Variants in RERE observed in about 807,000 individuals in gnomAD.
RERE encodes the protein arginine-glutamic acid dipeptide repeats.
In RERE, 40 loss-of-function variants were observed where a neutral mutation model predicts 146.1. The ratio of observed to expected loss-of-function variants is 0.27; its 90% confidence interval spans 0.21 to 0.36. The LOEUF is 0.36. Among genes scored for constraint, RERE ranks in the 10% least tolerant of loss-of-function variants. The probability of loss-of-function intolerance (pLI) is 1.00; values close to 1 mark genes in which losing one functional copy is unlikely to be tolerated. For synonymous variants in RERE, 1,003 were observed against 866.0 expected (o/e 1.16, Z -2.78); for missense variants, 1,933 against 2,138.7 (o/e 0.90, Z 1.90).
chr1:8,484,494 C>A (rs1437453748), intron 10 of RERE, among the ~76,000 whole-genome samples: 1 of 150,676 alleles, frequency 6.6e-6, no homozygotes, highest in Non-Finnish European at 1.5e-5. Flanking sequence ...AGCGCCATCT[C>A]GGCTCACTGC....
At chr1:8,750,254 A>G (rs1441026468) in intron 1 of RERE, among the ~76,000 whole-genome samples, 6 of 152,062 alleles carry the variant, frequency 3.9e-5, no homozygotes, top group East Asian at 3.9e-4. Context: ...GCACGTAGTC[A>G]GTAGTCAATG....
chr1:8,699,186 C>T (rs1408571418), intron 1 of RERE, among the ~76,000 whole-genome samples: 1 of 152,190 alleles, frequency 6.6e-6, no homozygotes, highest in Non-Finnish European at 1.5e-5. Context: ...TTTTCCCATG[C>T]TAAGCATGGT....
intron 3 of RERE, among the ~76,000 whole-genome samples, chr1:8,623,402 G>A (rs188261147): frequency 1.6e-4 from 24 of 152,294 alleles, no homozygotes; most frequent in Non-Finnish European, 2.1e-4. Flanking sequence ...GGTGAGCCAA[G>A]ACTGCACCAC....
Position 8,358,340 on chromosome 1 carries a change from C to G in RERE, c.4195G>C (p.Glu1399Gln), listed in dbSNP as rs765164005. The G allele has an allele frequency of 5.1e-5, 82 of 1,612,322 alleles. No individual in the cohort carries two copies. Among genetic ancestry groups the G allele is most frequent in the Non-Finnish European group, 6.6e-5 (78 of 1,179,458 alleles). The part of the protein sequence containing the change: ...EMSYPDRLAA[E>Q]RIHAERMASL... ...GCCATGCGCTCTGCGTGGATACGCT[C>G]GGCTGCCAGTCTGTCAGGGTAGCTC... Residue 1399 changes from glutamate to glutamine, a missense_variant, in exon 20 of 23, where the codon GAG becomes CAG. This residue lies in a region of RERE where 47 missense variants were observed against 58.6 expected (regional missense o/e 0.80). Transcript: ENST00000400908.
At chr1:8,488,653 GAC>G (rs1644936623) in intron 10 of RERE, among the ~76,000 whole-genome samples, 1 of 152,134 alleles carries the variant, frequency 6.6e-6, no homozygotes, top group African/African-American at 2.4e-5. Flanking sequence ...AAAGCAGAAA[GAC>G]ACCCCTGAGG....
intron 17 of RERE, 21 bp from the exon 18 acceptor site, chr1:8,361,511 G>A (rs1378407586): frequency 6.2e-7 from 1 of 1,606,924 alleles, no homozygotes; most frequent in South Asian, 1.1e-5. Flanking sequence ...AGAAGGGAAG[G>A]ATGGAAGTCC....
chr1:8,732,100 G>A (rs1044000759), intron 1 of RERE, among the ~76,000 whole-genome samples: 3 of 152,286 alleles, frequency 2.0e-5, no homozygotes, highest in African/African-American at 7.2e-5. Flanking sequence ...ACCACGCCCA[G>A]CCTGAAAAAG....
At chr1:8,565,892 G>A (rs760631145) in intron 4 of RERE, among the ~76,000 whole-genome samples, 2 of 152,154 alleles carry the variant, frequency 1.3e-5, no homozygotes, top group Admixed American at 6.5e-5. Context: ...CTCTGACATG[G>A]GGACCAGTGG....
At chr1:8,489,320 A>G (rs1644945488) in intron 10 of RERE, among the ~76,000 whole-genome samples, 1 of 151,900 alleles carries the variant, frequency 6.6e-6, no homozygotes, top group African/African-American at 2.4e-5. Flanking sequence ...TAATCACTCT[A>G]CTGTACTCCA....
chr1:8,409,535 T>C (rs1426125510), intron 12 of RERE, among the ~76,000 whole-genome samples: 1 of 152,240 alleles, frequency 6.6e-6, no homozygotes, highest in African/African-American at 2.4e-5. Flanking sequence ...GCAATGATTT[T>C]ACCTTAAAAT....
intron 1 of RERE, among the ~76,000 whole-genome samples, chr1:8,701,296 ACACACACACACACACACACACACACACG>A (rs1446694272): frequency 6.4e-5 from 5 of 77,992 alleles, no homozygotes; most frequent in African/African-American, 3.8e-4. Context: ...ATACACACAC[ACACACACACACACACACACACACACACG>A]CACACACTCC....
At chr1:8,359,061 G>T in intron 19 of RERE, 145 bp from the exon 20 acceptor site, 1 of 1,060,288 alleles carries the variant, frequency 9.4e-7, no homozygotes, top group Non-Finnish European at 1.3e-6. Flanking sequence ...GCCCTGCCTT[G>T]GCCTGACACC....
At chr1:8,633,255 A>T (rs1647055136) in intron 2 of RERE, among the ~76,000 whole-genome samples, 3 of 152,162 alleles carry the variant, frequency 2.0e-5, no homozygotes, top group Non-Finnish European at 2.9e-5. Context: ...CTCCATCTCT[A>T]CAAAAAAAAT....
chr1:8,403,824 G>GTTTTT (rs1557613523), intron 12 of RERE, among the ~76,000 whole-genome samples: 2 of 57,808 alleles, frequency 3.5e-5, no homozygotes, highest in Non-Finnish European at 7.0e-5. Context: ...TAAAATCTTA[G>GTTTTT]CTTTTTTTTT....
intron 1 of RERE, among the ~76,000 whole-genome samples, chr1:8,701,532 G>C (rs1046939927): frequency 6.6e-6 from 1 of 152,180 alleles, no homozygotes; most frequent in East Asian, 1.9e-4. Flanking sequence ...TAGAGTGAAT[G>C]AATGTGGGTT....
At chr1:8,355,185 A>G in intron 22 of RERE, 65 bp from the exon 23 acceptor site, 2 of 1,536,042 alleles carry the variant, frequency 1.3e-6, no homozygotes, top group East Asian at 2.2e-5. Context: ...CGCAGGCTGG[A>G]GGCAACCCCA....
chr1:8,494,452 C>A (rs1017115883), intron 10 of RERE, among the ~76,000 whole-genome samples: 1 of 152,052 alleles, frequency 6.6e-6, no homozygotes, highest in South Asian at 2.1e-4. Flanking sequence ...AGAGGCCGGG[C>A]GTGGTGGCTC....
intron 12 of RERE, among the ~76,000 whole-genome samples, chr1:8,392,971 T>C (rs1055241393): frequency 2.6e-5 from 4 of 151,960 alleles, no homozygotes; most frequent in East Asian, 3.8e-4. Context: ...CGGTGGAAAA[T>C]ATAGTTGGAT....
At chr1:8,729,525 AT>A (rs1489549082) in intron 1 of RERE, among the ~76,000 whole-genome samples, 1 of 151,816 alleles carries the variant, frequency 6.6e-6, no homozygotes, top group East Asian at 1.9e-4. Flanking sequence ...ACCTGGCCTT[AT>A]TTTTTTATGT....
Sources: gnomAD v4.1 joint callset for allele counts (sites outside exome capture counted in the v4.1 genomes callset) on GRCh38, gnomAD v4.1.1 for gene constraint, gnomAD v4.1.1 regional missense constraint, MANE v1.5 for transcripts, NCBI Gene and HGNC (gene_info 2026-07-23, HGNC 2026-07-21) for gene names.